GABRA4: variants seen among roughly 807,000 people sequenced by gnomAD.
GABRA4 encodes the protein gamma-aminobutyric acid type A receptor subunit alpha4.
Under a neutral mutation model 49.7 loss-of-function variants are expected in GABRA4, and 12 were observed. That is an observed-to-expected ratio of 0.24 (90% CI 0.15 to 0.39). GABRA4 has a LOEUF of 0.39. GABRA4 is among the 10% of genes least tolerant of loss of function. The pLI is 1.00. For synonymous variants in GABRA4, 288 were observed against 240.2 expected, an observed-to-expected ratio of 1.20 and a Z score of -1.84; for missense variants, 506 against 686.0, an observed-to-expected ratio of 0.74 and a Z score of 2.93.
intron 8 of GABRA4, among the ~76,000 whole-genome samples, chr4:46,956,555 CT>C (rs558694158): frequency 7.3e-5 from 11 of 151,712 alleles, no homozygotes; most frequent in South Asian, 4.2e-4. Context: ...CTTTGTTTTG[CT>C]TTTTTTTCCC....
intron 8 of GABRA4, among the ~76,000 whole-genome samples, chr4:46,953,217 A>C (rs1722232685): frequency 6.6e-6 from 1 of 152,108 alleles, no homozygotes; most frequent in African/African-American, 2.4e-5. Context: ...TTATCTGCTG[A>C]CGATCAATAA....
intron 6 of GABRA4, among the ~76,000 whole-genome samples, chr4:46,972,380 A>G (rs1183505282): frequency 6.6e-6 from 1 of 151,654 alleles, no homozygotes; most frequent in African/African-American, 2.4e-5. Context: ...TTATGTATTA[A>G]TTTTATTTAT....
At chr4:46,961,462 C>G (rs1444512983) in intron 8 of GABRA4, among the ~76,000 whole-genome samples, 4 of 151,834 alleles carry the variant, frequency 2.6e-5, no homozygotes, top group Admixed American at 1.3e-4. Context: ...TGCCTCCTCT[C>G]CCTTGCCCCA....
At chr4:46,958,474 G>T (rs890203808) in intron 8 of GABRA4, among the ~76,000 whole-genome samples, 1 of 151,750 alleles carries the variant, frequency 6.6e-6, no homozygotes, top group Non-Finnish European at 1.5e-5. Flanking sequence ...TTCTATAGTT[G>T]TTTATTTTTC....
At chr4:46,990,954 G>T (rs1268333882) in intron 2 of GABRA4, among the ~76,000 whole-genome samples, 1 of 152,162 alleles carries the variant, frequency 6.6e-6, no homozygotes, top group Non-Finnish European at 1.5e-5. Flanking sequence ...CAAGAAGGGT[G>T]GATCACTTGA....
chr4:46,972,907 C>T (rs1250577574), intron 6 of GABRA4, among the ~76,000 whole-genome samples: 5 of 151,676 alleles, frequency 3.3e-5, no homozygotes, highest in African/African-American at 4.8e-5. Context: ...ATCTTTGCTC[C>T]AGATCTTAAA....
At chr4:46,947,910 C>T (rs1722035731) in intron 8 of GABRA4, among the ~76,000 whole-genome samples, 1 of 152,042 alleles carries the variant, frequency 6.6e-6, no homozygotes, top group African/African-American at 2.4e-5. Flanking sequence ...CAGAGTCTCT[C>T]ATGTGGTTTC....
intron 6 of GABRA4, among the ~76,000 whole-genome samples, chr4:46,972,269 G>C (rs1722974315): frequency 6.6e-6 from 1 of 151,582 alleles, no homozygotes; most frequent in Non-Finnish European, 1.5e-5. Flanking sequence ...TAGGAGAGAG[G>C]AGCAGTGCCA....
chr4:46,958,825 T>C (rs1371283797), intron 8 of GABRA4, among the ~76,000 whole-genome samples: 2 of 151,950 alleles, frequency 1.3e-5, no homozygotes, highest in Non-Finnish European at 2.9e-5. Flanking sequence ...AGGTCACATA[T>C]AGTGATGATG....
At chr4:46,993,305 C>T (rs748575506) in intron 1 of GABRA4, 34 bp downstream of exon 1, 5 of 1,584,886 alleles carry the variant, frequency 3.2e-6, no homozygotes, top group Non-Finnish European at 4.3e-6. Flanking sequence ...CTCCACTTTC[C>T]GTTGCCCACC....
At chr4:46,947,645 G>A (rs1160092) in intron 8 of GABRA4, among the ~76,000 whole-genome samples, 77,686 of 151,636 alleles carry the variant, frequency 0.51, 20,175 homozygotes, top group East Asian at 0.66. Context: ...TGCAGCATTC[G>A]AGATTAGACA....
intron 8 of GABRA4, among the ~76,000 whole-genome samples, chr4:46,946,433 GT>G (rs1283806399): frequency 6.6e-6 from 1 of 152,054 alleles, no homozygotes; most frequent in Non-Finnish European, 1.5e-5. Flanking sequence ...CCCAAGAAAG[GT>G]TTCCCAAATG....
At chr4:46,937,703 C>A (rs977945721) in intron 8 of GABRA4, among the ~76,000 whole-genome samples, 2 of 152,146 alleles carry the variant, frequency 1.3e-5, no homozygotes, top group Non-Finnish European at 2.9e-5. Flanking sequence ...CATCTACATC[C>A]TCTTCCTAAT....
intron 6 of GABRA4, among the ~76,000 whole-genome samples, chr4:46,972,804 C>T (rs1161000160): frequency 6.6e-6 from 1 of 151,530 alleles, no homozygotes; most frequent in Non-Finnish European, 1.5e-5. Context: ...CACTGCCTTT[C>T]AGTTTGACTA....
At chr4:46,957,986 G>T (rs1722425717) in intron 8 of GABRA4, among the ~76,000 whole-genome samples, 1 of 151,666 alleles carries the variant, frequency 6.6e-6, no homozygotes, top group Non-Finnish European at 1.5e-5. Flanking sequence ...ATTCTATATT[G>T]GGCTTATTAT....
intron 8 of GABRA4, among the ~76,000 whole-genome samples, chr4:46,955,578 T>C (rs1722310173): frequency 6.6e-6 from 1 of 152,140 alleles, no homozygotes; most frequent in Non-Finnish European, 1.5e-5. Flanking sequence ...TTTTTGTCAC[T>C]ATTTATTTTA....
intron 8 of GABRA4, among the ~76,000 whole-genome samples, chr4:46,963,306 T>C (rs1722644362): frequency 6.6e-6 from 1 of 151,810 alleles, no homozygotes; most frequent in African/African-American, 2.4e-5. Flanking sequence ...TAATAAGATC[T>C]GGCTGTGTTC....
intron 8 of GABRA4, among the ~76,000 whole-genome samples, chr4:46,953,667 T>TA (rs1722247284): frequency 1.3e-5 from 2 of 152,174 alleles, no homozygotes; most frequent in Non-Finnish European, 1.5e-5. Context: ...GTAGATGATC[T>TA]AAAAAATGTG....
At chr4:46,972,271 G>A (rs1722974447) in intron 6 of GABRA4, among the ~76,000 whole-genome samples, 1 of 151,602 alleles carries the variant, frequency 6.6e-6, no homozygotes, top group South Asian at 2.1e-4. Flanking sequence ...GGAGAGAGGA[G>A]CAGTGCCATT....
Sources: allele counts gnomAD v4.1 joint callset (sites outside exome capture counted in the v4.1 genomes callset), GRCh38; gene constraint gnomAD v4.1.1; transcripts MANE v1.5; gene names NCBI Gene and HGNC (gene_info 2026-07-23, HGNC 2026-07-21).